The following MLLT10 variants were observed in gnomAD, a reference collection of about 807,000 sequenced individuals.
The protein encoded by MLLT10 is protein AF-10.
Under a neutral mutation model 129.1 loss-of-function variants are expected in MLLT10, and 30 were observed. That is an observed-to-expected ratio of 0.23 (90% CI 0.17 to 0.32). The LOEUF is 0.32. Among genes scored for constraint, MLLT10 ranks in the 10% least tolerant of loss-of-function variants. The probability of loss-of-function intolerance (pLI) is 1.00; values close to 1 mark genes in which losing one functional copy is unlikely to be tolerated. For missense variants in MLLT10, 1,119 were observed against 1,268.3 expected, an observed-to-expected ratio of 0.88 and a Z score of 1.79; for synonymous variants, 490 against 446.4, an observed-to-expected ratio of 1.10 and a Z score of -1.23.
chr10:21,708,877 AC>A (rs1564691514), intron 13 of MLLT10: 1 of 437,050 alleles, frequency 2.3e-6, no homozygotes, highest in Non-Finnish European at 3.0e-6. Flanking sequence ...GAAAGCATTA[AC>A]ACCAAAATGG....
intron 13 of MLLT10, among the ~76,000 whole-genome samples, chr10:21,710,253 A>G (rs533246241): frequency 2.4e-4 from 36 of 152,230 alleles, no homozygotes; most frequent in African/African-American, 8.2e-4. Flanking sequence ...TCATATCAAG[A>G]GTTGTAAGTA....
At chr10:21,538,669 G>T (rs2034538219) in intron 2 of MLLT10, among the ~76,000 whole-genome samples, 164 bp from the exon 3 acceptor site, 1 of 152,176 alleles carries the variant, frequency 6.6e-6, no homozygotes, top group African/African-American at 2.4e-5. Flanking sequence ...TGTTAATTAA[G>T]TAAGCTGTAT....
chr10:21,604,738 T>C (rs983219710), intron 5 of MLLT10, among the ~76,000 whole-genome samples: 7 of 152,146 alleles, frequency 4.6e-5, no homozygotes, highest in Non-Finnish European at 1.0e-4. Flanking sequence ...AGCAGGTTTG[T>C]AAGTCTGCAG....
At chr10:21,730,164 T>C (rs556698129) in intron 16 of MLLT10, among the ~76,000 whole-genome samples, 2 of 152,146 alleles carry the variant, frequency 1.3e-5, no homozygotes, top group African/African-American at 2.4e-5. Context: ...TGGTAGTGTG[T>C]GCTCTTGTGG....
At position 21,661,720 on chromosome 10, in the gene MLLT10, T is replaced by C. The variant is rs2050228265; in HGVS notation, c.796-8729T>C. ...TCTCTGTATCATTCTAATTTTTGTA[T>C]GTGTGCTGCCAAAGTGAGCACGATT... On this transcript the variant is annotated intron_variant, in intron 9 of 22. Transcript: ENST00000307729. 2 of 152,210 alleles carry C rather than the reference T, an allele frequency of 1.3e-5. 1 individual carries two copies. The highest frequency in any genetic ancestry group is 4.1e-4 in the South Asian group (2 of 4,834). 9.4% of individuals were successfully genotyped at this position (152,210 alleles called of 1,614,324 possible). A position where few individuals can be genotyped will look rare whatever the true frequency, so the allele number is the denominator to read the frequency against.
At chr10:21,564,539 T>C (rs2131010843) in intron 3 of MLLT10, 1 of 152,322 alleles carries the variant, frequency 6.6e-6, no homozygotes, top group Non-Finnish European at 1.5e-5. Flanking sequence ...CTTCTCTGTA[T>C]TGATTCAATT....
intron 3 of MLLT10, among the ~76,000 whole-genome samples, chr10:21,545,462 T>A (rs925693972): frequency 6.6e-6 from 1 of 152,104 alleles, no homozygotes; most frequent in Non-Finnish European, 1.5e-5. Flanking sequence ...AGCTTCCTGG[T>A]TTGGGTAGAA....
chr10:21,581,883 A>C (rs1205305637), intron 3 of MLLT10, among the ~76,000 whole-genome samples: 2 of 152,134 alleles, frequency 1.3e-5, no homozygotes, highest in Non-Finnish European at 2.9e-5. Flanking sequence ...GACTGCTACA[A>C]CTACTATAGA....
In MLLT10 at chr10:21,681,361, G is replaced by A. The variant is rs751567873; in HGVS notation, c.1651G>A (p.Ala551Thr). The A allele has an allele frequency of 1.2e-6, 2 of 1,611,390 alleles. No individual in the cohort carries two copies. The highest frequency in any genetic ancestry group is 8.5e-7 in the Non-Finnish European group (1 of 1,179,050). The change falls in exon 12 of 23, where the codon GCT (alanine) becomes ACT (threonine). Residue 551 changes from alanine (A) to threonine (T), a missense_variant. Around this residue, in one of 5 missense-constraint regions of MLLT10, gnomAD observed 1,004 missense variants for 1,008.7 expected, o/e 1.00. Coordinates refer to ENST00000307729, the MANE Select transcript of MLLT10 (RefSeq NM_001195626.3). Reference sequence around the variant, plus strand: ...TTCCATGCAGTATCGGCATGATGGAGCTTGCCCAACAACTAGTAAGTTGTC... The same window carrying A: ...TTCCATGCAGTATCGGCATGATGGAACTTGCCCAACAACTAGTAAGTTGTC... ...EISMQYRHDGACPTTTFSELL... is the reference protein window; with the variant it reads ...EISMQYRHDGTCPTTTFSELL...
In MLLT10 at chr10:21,742,627, C is replaced by A. The variant is rs78154192; in HGVS notation, c.*644C>A. ...AAAGGTAATTTTCTTTTGAGAATTGCTTTCTTTAGTGTTAAGACCTACTCA... is the reference window on the plus strand; with the variant it reads ...AAAGGTAATTTTCTTTTGAGAATTGATTTCTTTAGTGTTAAGACCTACTCA... On this transcript the variant is annotated 3_prime_UTR_variant, in exon 23 of 23. Transcript: ENST00000307729. The A allele has an allele frequency of 0.03, 6,690 of 221,404 alleles. 170 individuals carry two copies. The highest frequency in any genetic ancestry group is 0.06 in the Middle Eastern group (43 of 716). The allele number at this position is 221,404 out of a possible 1,614,324, so 13.7% of individuals were successfully genotyped here.
intron 14 of MLLT10, among the ~76,000 whole-genome samples, chr10:21,725,738 T>C (rs1036552418): frequency 1.7e-5 from 2 of 119,176 alleles, no homozygotes; most frequent in Admixed American, 8.3e-5. Context: ...AAAAAAAAAA[T>C]TGTAGTTACG....
intron 8 of MLLT10, chr10:21,624,619 A>G: frequency 1.4e-6 from 2 of 1,428,142 alleles, no homozygotes; most frequent in Middle Eastern, 1.8e-4. Flanking sequence ...AAGTATCCTG[A>G]TAAAATTCCT....
intron 8 of MLLT10, among the ~76,000 whole-genome samples, chr10:21,649,901 G>C (rs965705720): frequency 6.6e-6 from 1 of 152,280 alleles, no homozygotes; most frequent in African/African-American, 2.4e-5. Flanking sequence ...GTGATAACCC[G>C]TTGCAGAGAA....
At chr10:21,710,184 C>T (rs1272386479) in intron 13 of MLLT10, among the ~76,000 whole-genome samples, 4 of 152,196 alleles carry the variant, frequency 2.6e-5, no homozygotes, top group Non-Finnish European at 5.9e-5. Flanking sequence ...TTCTCTTGAT[C>T]ATGCTGAGAA....
intron 8 of MLLT10, among the ~76,000 whole-genome samples, chr10:21,651,181 C>T (rs2048998558): frequency 6.6e-6 from 1 of 152,122 alleles, no homozygotes; most frequent in Non-Finnish European, 1.5e-5. Context: ...AAGCGATTCT[C>T]CTGCCTCAGC....
chr10:21,709,238 T>G (rs1461746860), intron 13 of MLLT10, among the ~76,000 whole-genome samples: 1 of 152,090 alleles, frequency 6.6e-6, no homozygotes, highest in Non-Finnish European at 1.5e-5. Context: ...TGCTTTTTTT[T>G]TTTTTTTTCC....
chr10:21,597,217 C>T (rs930269176), intron 5 of MLLT10, among the ~76,000 whole-genome samples: 3 of 152,096 alleles, frequency 2.0e-5, no homozygotes, highest in African/African-American at 7.2e-5. Context: ...GAAGGATACT[C>T]TCTTGGGAAT....
At chr10:21,545,542 TAAAG>T (rs938129259) in intron 3 of MLLT10, among the ~76,000 whole-genome samples, 2 of 152,058 alleles carry the variant, frequency 1.3e-5, no homozygotes, top group Admixed American at 6.6e-5. Context: ...AGAGAAAAAT[TAAAG>T]GAGATGAGGT....
intron 14 of MLLT10, among the ~76,000 whole-genome samples, chr10:21,717,276 A>AAT (rs2056650304): frequency 6.7e-6 from 1 of 149,794 alleles, no homozygotes; most frequent in South Asian, 2.1e-4. Context: ...AAAAAAAAAA[A>AAT]ATTGTTCCCT....
Sources: allele counts gnomAD v4.1 joint callset (sites outside exome capture counted in the v4.1 genomes callset), GRCh38; gene constraint gnomAD v4.1.1; regional missense constraint gnomAD v4.1.1; transcripts MANE v1.5; gene names NCBI Gene and HGNC (gene_info 2026-07-23, HGNC 2026-07-21).